The following TMEM163 variants were observed in gnomAD, a reference collection of about 807,000 sequenced individuals.
TMEM163 encodes the protein transmembrane protein 163.
A neutral mutation model predicts 29.3 loss-of-function variants in TMEM163; 17 were observed. The observed-to-expected ratio is 0.58, with a 90% CI of 0.40 to 0.87. TMEM163 has a LOEUF of 0.87. TMEM163 is among the 40% of genes least tolerant of loss of function. TMEM163 has a pLI of 0.00. For synonymous variants in TMEM163, 157 were observed against 160.6 expected (o/e 0.98, Z 0.17); for missense variants, 303 against 381.5 (o/e 0.79, Z 1.71).
intron 1 of TMEM163, 153 bp from the exon 2 acceptor site, chr2:134,713,472 T>G: frequency 8.8e-7 from 1 of 1,132,176 alleles, no homozygotes; most frequent in African/African-American, 1.5e-5. Context: ...CAATTAGATT[T>G]CACATGAAAA....
intron 2 of TMEM163, among the ~76,000 whole-genome samples, chr2:134,565,379 G>C (rs976665109): frequency 2.6e-5 from 4 of 152,112 alleles, no homozygotes; most frequent in African/African-American, 4.8e-5. Context: ...GCCGAGGCAG[G>C]TGGATCACCT....
At chr2:134,525,574 G>A (rs969037165) in intron 4 of TMEM163, among the ~76,000 whole-genome samples, 9 of 152,178 alleles carry the variant, frequency 5.9e-5, no homozygotes, top group Admixed American at 1.3e-4. Context: ...TGAAGATAGC[G>A]CCTAATGAAG....
At chr2:134,701,193 G>T (rs1294676232) in intron 2 of TMEM163, among the ~76,000 whole-genome samples, 2 of 151,644 alleles carry the variant, frequency 1.3e-5, no homozygotes, top group Non-Finnish European at 2.9e-5. Context: ...ATAAAAATTA[G>T]AAAGAAATCA....
At chr2:134,637,273 C>T (rs1372183052) in intron 2 of TMEM163, among the ~76,000 whole-genome samples, 1 of 152,212 alleles carries the variant, frequency 6.6e-6, no homozygotes, top group African/African-American at 2.4e-5. Context: ...AGTTCCCTCC[C>T]ATACCCCAAA....
intron 5 of TMEM163, among the ~76,000 whole-genome samples, chr2:134,491,538 C>T (rs1679429925): frequency 6.6e-6 from 1 of 152,122 alleles, no homozygotes; most frequent in Non-Finnish European, 1.5e-5. Context: ...CTTCAGGAGA[C>T]ACTCCGTGGA....
chr2:134,609,991 A>G (rs555481116), intron 2 of TMEM163, among the ~76,000 whole-genome samples: 1 of 152,188 alleles, frequency 6.6e-6, no homozygotes, highest in Admixed American at 6.5e-5. Flanking sequence ...GAGAGAGAAA[A>G]TCAAAGCTGC....
intron 2 of TMEM163, among the ~76,000 whole-genome samples, chr2:134,620,875 A>T (rs1352057972): frequency 6.6e-6 from 1 of 152,228 alleles, no homozygotes; most frequent in East Asian, 1.9e-4. Context: ...TACAAAACTC[A>T]TAAAGGAAAA....
At chr2:134,702,789 G>A (rs1684731777) in intron 2 of TMEM163, among the ~76,000 whole-genome samples, 1 of 152,006 alleles carries the variant, frequency 6.6e-6, no homozygotes, top group Non-Finnish European at 1.5e-5. Flanking sequence ...CAATAGAAAG[G>A]TAGGAATATA....
At chr2:134,513,215 A>G (rs938076648) in intron 4 of TMEM163, among the ~76,000 whole-genome samples, 1 of 152,114 alleles carries the variant, frequency 6.6e-6, no homozygotes, top group Non-Finnish European at 1.5e-5. Flanking sequence ...GACAGGGAAG[A>G]CTGTAGGAGA....
At chr2:134,612,401 T>C (rs1682524196) in intron 2 of TMEM163, among the ~76,000 whole-genome samples, 1 of 152,168 alleles carries the variant, frequency 6.6e-6, no homozygotes, top group African/African-American at 2.4e-5. Context: ...ACTGCACACG[T>C]GCAGGGCTGT....
intron 2 of TMEM163, among the ~76,000 whole-genome samples, chr2:134,554,135 A>G (rs1680994170): frequency 6.6e-6 from 1 of 152,108 alleles, no homozygotes; most frequent in South Asian, 2.1e-4. Flanking sequence ...TACAACAGAT[A>G]AAAGAAGAGC....
At chr2:134,576,217 T>C (rs189627842) in intron 2 of TMEM163, among the ~76,000 whole-genome samples, 1 of 152,176 alleles carries the variant, frequency 6.6e-6, no homozygotes, top group African/African-American at 2.4e-5. Flanking sequence ...GTCCTGGAGA[T>C]CTTAGGAGGA....
chr2:134,472,154 C>T (rs1361428787), intron 5 of TMEM163, among the ~76,000 whole-genome samples: 3 of 152,220 alleles, frequency 2.0e-5, no homozygotes, highest in African/African-American at 4.8e-5. Context: ...GCTCCTTCAA[C>T]ATCTTGTAGT....
At chr2:134,560,904 G>A (rs951373091) in intron 2 of TMEM163, among the ~76,000 whole-genome samples, 1 of 152,184 alleles carries the variant, frequency 6.6e-6, no homozygotes, top group Non-Finnish European at 1.5e-5. Flanking sequence ...TGGGTTTCAA[G>A]AAGCTCTCAG....
At chr2:134,646,325 T>A (rs1391993326) in intron 2 of TMEM163, among the ~76,000 whole-genome samples, 1 of 152,202 alleles carries the variant, frequency 6.6e-6, no homozygotes, top group African/African-American at 2.4e-5. Flanking sequence ...CTTCAGGTGA[T>A]CCACCCGCCT....
intron 1 of TMEM163, among the ~76,000 whole-genome samples, chr2:134,718,497 C>A (rs1685087149): frequency 6.6e-6 from 1 of 152,198 alleles, no homozygotes; most frequent in Non-Finnish European, 1.5e-5. Flanking sequence ...CAGGCGGGGT[C>A]GGCCTGAAGG....
chr2:134,694,220 A>C (rs1684532792), intron 2 of TMEM163, among the ~76,000 whole-genome samples: 1 of 152,244 alleles, frequency 6.6e-6, no homozygotes, highest in African/African-American at 2.4e-5. Flanking sequence ...AGTTAGAAAA[A>C]GGTAAACCAT....
chr2:134,561,772 C>T (rs1324680504), intron 2 of TMEM163, among the ~76,000 whole-genome samples: 1 of 152,200 alleles, frequency 6.6e-6, no homozygotes, highest in African/African-American at 2.4e-5. Flanking sequence ...AATTCATGTC[C>T]TGCAACCCAC....
intron 2 of TMEM163, among the ~76,000 whole-genome samples, chr2:134,643,548 A>G (rs768177537): frequency 6.6e-6 from 1 of 152,130 alleles, no homozygotes; most frequent in African/African-American, 2.4e-5. Flanking sequence ...ACTACAGATC[A>G]ATATTCTTCA....
Sources: allele counts gnomAD v4.1 joint callset (sites outside exome capture counted in the v4.1 genomes callset), GRCh38; gene constraint gnomAD v4.1.1; transcripts MANE v1.5; gene names NCBI Gene and HGNC (gene_info 2026-07-23, HGNC 2026-07-21).